Variants in SNX16 observed in about 807,000 individuals in gnomAD.
SNX16 encodes the protein sorting nexin 16.
Under a neutral mutation model 36.7 loss-of-function variants are expected in SNX16, and 35 were observed. That is an observed-to-expected ratio of 0.95 (90% CI 0.73 to 1.27). SNX16 has a LOEUF of 1.27. Among genes scored for constraint, SNX16 ranks in the 50% most tolerant of loss-of-function variants. The pLI is 0.00. For missense variants in SNX16, 367 were observed against 393.6 expected (o/e 0.93, Z 0.57); for synonymous variants, 134 against 132.0 (o/e 1.02, Z -0.10).
chr8:81,820,837 T>C (rs962593887), intron 4 of SNX16, among the ~76,000 whole-genome samples: 1 of 151,916 alleles, frequency 6.6e-6, no homozygotes, highest in Non-Finnish European at 1.5e-5. Context: ...AGTGAGTATA[T>C]ATCCCCTCTT....
At position 81,809,340 on chromosome 8, in the gene SNX16, TA is replaced by T. The variant is rs1810117669; in HGVS notation, c.681+5984del. Among the ~76,000 whole-genome samples the T allele has an allele frequency of 2.0e-5, 3 of 152,318 alleles. No individual in the cohort carries two copies. The South Asian group carries it at 6.2e-4, about 32-fold the overall frequency. On this transcript the variant is annotated intron_variant, in intron 5 of 7. Transcript: ENST00000345957. The stretch of plus-strand genomic sequence containing the variant: ...GATTGTTGGCACATCTTATGCAATA[TA>T]TTTAAATTGAGTAATGGTACCAGAT...
Position 81,815,296 on chromosome 8 carries a change from TTTCATGTGCTATA to T in SNX16, c.681+16_681+28del. ...ATTGTACTGCATTAATTGTTCCTCT[TTTCATGTGCTATA>T]TAATACAGCACTTACCCTGCTTTCT... On this transcript the variant is annotated intron_variant, in intron 5 of 7. Coordinates refer to ENST00000345957, the MANE Select transcript of SNX16 (RefSeq NM_152836.3). 2 of 1,552,400 alleles carry T rather than the reference TTTCATGTGCTATA, an allele frequency of 1.3e-6. No individual in the cohort carries two copies. The highest frequency in any genetic ancestry group is 1.7e-4 in the Middle Eastern group (1 of 5,926).
Position 81,799,891 on chromosome 8 carries a change from A to C in SNX16, c.*1606T>G, listed in dbSNP as rs1563424612. On this transcript the variant is annotated 3_prime_UTR_variant, in exon 8 of 8. Coordinates refer to ENST00000345957, the MANE Select transcript of SNX16 (RefSeq NM_152836.3). Reference sequence around the variant, plus strand: ...AAGCCTTTTGTAAGTCTAGAATAATAATTTTAATAAATAAGCAGATCAATT... The same window carrying C: ...AAGCCTTTTGTAAGTCTAGAATAATCATTTTAATAAATAAGCAGATCAATT... The C allele has an allele frequency of 6.6e-6, 1 of 151,902 alleles. No homozygotes were observed. The highest frequency in any genetic ancestry group is 2.4e-5 in the African/African-American group (1 of 41,426). The allele number at this position is 151,902 out of a possible 1,614,324, so 9.4% of individuals were successfully genotyped here. A position where few individuals can be genotyped will look rare whatever the true frequency, so the allele number is the denominator to read the frequency against.
chr8:81,823,984 C>T (rs1810895226), intron 3 of SNX16, 44 bp from the exon 4 acceptor site: 2 of 1,530,702 alleles, frequency 1.3e-6, no homozygotes, highest in Non-Finnish European at 1.8e-6. Flanking sequence ...AACTCAAGCA[C>T]TATCAATTCT....
At chr8:81,815,980 T>C (rs1221410974) in intron 4 of SNX16, among the ~76,000 whole-genome samples, 2 of 152,108 alleles carry the variant, frequency 1.3e-5, no homozygotes, top group Non-Finnish European at 2.9e-5. Flanking sequence ...TGCTTATACT[T>C]TGCTATTATC....
chr8:81,829,509 T>G lies in SNX16; in HGVS notation c.383A>C (p.Lys128Thr). 1.5e-6 allele frequency: 2 copies of G among 1,361,042 alleles called. No individual in the cohort carries two copies. The highest frequency in any genetic ancestry group is 1.9e-6 in the Non-Finnish European group (2 of 1,031,568). The allele number at this position is 1,361,042 out of a possible 1,614,324, so 84.3% of individuals were successfully genotyped here. The change falls in exon 3 of 8, where the codon AAA becomes ACA. Residue 128 changes from lysine (K) to threonine (T), a missense_variant. Lys to Thr is a moderately conservative substitution (Grantham distance 78). Transcript: ENST00000345957. The part of the protein sequence containing the change: ...MEERAKFTVY[K>T]ILVKKTPEES... ...TTCTGGGGTTTTCTTTACTAGTATTTTATATACCTATGCACAGGAAGAAAA... is the reference window on the plus strand; with the variant it reads ...TTCTGGGGTTTTCTTTACTAGTATTGTATATACCTATGCACAGGAAGAAAA...
At chr8:81,815,419 T>A (rs1316460889) in intron 4 of SNX16, 25 bp from the exon 5 acceptor site, 1 of 1,599,854 alleles carries the variant, frequency 6.3e-7, no homozygotes, top group African/African-American at 1.3e-5. Flanking sequence ...AAAAAAATGA[T>A]CTGAAGTACA....
At chr8:81,808,344 A>T in intron 5 of SNX16, 1 of 1,286,992 alleles carries the variant, frequency 7.8e-7, no homozygotes, top group Non-Finnish European at 1.1e-6. Context: ...TGCTTCATCC[A>T]GGCAAAGAGG....
Position 81,811,071 on chromosome 8 carries a change from T to C in SNX16, c.681+4254A>G, listed in dbSNP as rs573666153. Among the ~76,000 whole-genome samples the C allele has an allele frequency of 3.3e-5, 5 of 152,268 alleles. No homozygotes were observed. In the East Asian group the frequency reaches 5.8e-4, roughly 18 times the overall value. ...TGTCTTGCAAGAAGAAAGAATACTA[T>C]ACTTTAAAGGAATAAAAATCCTGGA... is the stretch of plus-strand genomic sequence containing the variant. On this transcript the variant is annotated intron_variant, in intron 5 of 7. Coordinates refer to ENST00000345957, the MANE Select transcript of SNX16 (RefSeq NM_152836.3).
Position 81,826,031 on chromosome 8 carries a change from T to C in SNX16, c.463-2091A>G, listed in dbSNP as rs528441610. Among the ~76,000 whole-genome samples the C allele has an allele frequency of 1.6e-3, 243 of 151,768 alleles. 3 individuals carry two copies. The highest frequency in any genetic ancestry group is 5.5e-3 in the African/African-American group (228 of 41,444). Reference sequence around the variant, plus strand: ...AATTTAAATGGTTAGATTTTTTTTTTCCCCTTAAAAAATTGTCCACAGAAA... The same window carrying C: ...AATTTAAATGGTTAGATTTTTTTTTCCCCCTTAAAAAATTGTCCACAGAAA... On this transcript the variant is annotated intron_variant, in intron 3 of 7. Coordinates refer to ENST00000345957, the MANE Select transcript of SNX16 (RefSeq NM_152836.3).
intron 5 of SNX16, among the ~76,000 whole-genome samples, chr8:81,810,811 T>C (rs1308701235): frequency 5.9e-5 from 9 of 152,152 alleles, no homozygotes; most frequent in Non-Finnish European, 1.2e-4. Flanking sequence ...ATATTTTCAA[T>C]GCACACGTCA....
chr8:81,818,189 T>G (rs1378057676), intron 4 of SNX16, among the ~76,000 whole-genome samples: 2 of 152,114 alleles, frequency 1.3e-5, no homozygotes, highest in African/African-American at 4.8e-5. Flanking sequence ...TAACATTTTG[T>G]AGCAAAAACC....
intron 4 of SNX16, among the ~76,000 whole-genome samples, chr8:81,816,162 T>C (rs1002711693): frequency 6.6e-6 from 1 of 151,544 alleles, no homozygotes; most frequent in Admixed American, 6.6e-5. Context: ...TTTACAAATT[T>C]CCTTTTACAA....
intron 4 of SNX16, among the ~76,000 whole-genome samples, chr8:81,816,496 AG>A (rs1436562127): frequency 1.3e-5 from 2 of 151,886 alleles, no homozygotes; most frequent in Admixed American, 1.3e-4. Context: ...GCACCCAGCC[AG>A]GATTTCTTGA....
intron 2 of SNX16, among the ~76,000 whole-genome samples, chr8:81,830,579 T>TAAAAAAAA (rs752827905): frequency 1.1e-5 from 1 of 90,254 alleles, no homozygotes. Context: ...GTCTAGGGGG[T>TAAAAAAAA]AAAAAAAAAA....
intron 2 of SNX16, among the ~76,000 whole-genome samples, chr8:81,834,237 T>C (rs1811395238): frequency 1.3e-5 from 2 of 152,174 alleles, no homozygotes; most frequent in African/African-American, 4.8e-5. Flanking sequence ...ATCATGAGAC[T>C]TACCCACTAT....
intron 5 of SNX16, among the ~76,000 whole-genome samples, chr8:81,810,936 T>C (rs1429094030): frequency 2.0e-5 from 3 of 152,194 alleles, no homozygotes; most frequent in African/African-American, 7.2e-5. Context: ...GTTATGATAC[T>C]TGACAATACT....
intron 1 of SNX16, among the ~76,000 whole-genome samples, chr8:81,841,005 A>T (rs1811733140): frequency 6.6e-6 from 1 of 152,226 alleles, no homozygotes; most frequent in East Asian, 1.9e-4. Context: ...TGGGAAAGGT[A>T]AGAAATGAGT....
intron 3 of SNX16, among the ~76,000 whole-genome samples, chr8:81,829,004 G>C (rs977479598): frequency 6.6e-6 from 1 of 152,124 alleles, no homozygotes; most frequent in Non-Finnish European, 1.5e-5. Context: ...GCTTGATTTT[G>C]ACTTTGCTTG....
Sources: allele counts gnomAD v4.1 joint callset (sites outside exome capture counted in the v4.1 genomes callset), GRCh38; gene constraint gnomAD v4.1.1; transcripts MANE v1.5; gene names NCBI Gene and HGNC (gene_info 2026-07-23, HGNC 2026-07-21).